ITPA: variants seen among roughly 807,000 people sequenced by gnomAD.
The protein encoded by ITPA is inosine triphosphatase, also known as inosine triphosphate pyrophosphatase.
Under a neutral mutation model 29.6 loss-of-function variants are expected in ITPA, and 29 were observed. That is an observed-to-expected ratio of 0.98 (90% confidence interval 0.73 to 1.34). The LOEUF is 1.34. Among genes scored for constraint, ITPA ranks in the 40% most tolerant of loss-of-function variants. The pLI is 0.00. For synonymous variants in ITPA, 103 were observed against 99.3 expected (o/e 1.04, Z -0.22); for missense variants, 241 against 251.5 (o/e 0.96, Z 0.28).
chr20:3,204,897 C>G (rs2067060223), upstream of ITPA, among the ~76,000 whole-genome samples: 1 of 151,844 alleles, frequency 6.6e-6, no homozygotes, highest in African/African-American at 2.4e-5. Context: ...GTCGCACAGG[C>G]TGGAGTGCGG....
intron 7 of ITPA, among the ~76,000 whole-genome samples, chr20:3,222,494 C>T (rs1421588924): frequency 6.6e-6 from 1 of 152,214 alleles, no homozygotes; most frequent in Non-Finnish European, 1.5e-5. Context: ...CAGGCGTGAG[C>T]CACCGCGCCT....
intron 1 of ITPA, among the ~76,000 whole-genome samples, chr20:3,212,744 G>T (rs756717164): frequency 6.6e-5 from 10 of 152,088 alleles, no homozygotes; most frequent in Non-Finnish European, 1.2e-4. Context: ...TAATATTTTG[G>T]TTTGTTACCT....
chr20:3,223,844 G>A lies in ITPA; in HGVS notation c.*382G>A, dbSNP rs2067529447. 1 of 252,968 alleles carries A rather than the reference G, an allele frequency of 4.0e-6. No homozygotes were observed. Among genetic ancestry groups the A allele is most frequent in the Non-Finnish European group, 7.8e-6 (1 of 128,732 alleles). The allele number at this position is 252,968 out of a possible 1,614,324, so 15.7% of individuals were successfully genotyped here. ...TGAGACTTGTTTCCAAAATAAACCA[G>A]CTATATCTGTTTTGAACCCTGCCCC... On this transcript the variant is annotated 3_prime_UTR_variant, in exon 8 of 8. Coordinates refer to ENST00000380113, the MANE Select transcript of ITPA (RefSeq NM_033453.4).
intron 7 of ITPA, among the ~76,000 whole-genome samples, 191 bp downstream of exon 7, chr20:3,222,108 G>A (rs1568519924): frequency 1.3e-5 from 2 of 152,222 alleles, no homozygotes; most frequent in South Asian, 4.1e-4. Flanking sequence ...TGGTTGGGGA[G>A]GCAGCCAGAT....
chr20:3,205,633 C>T (rs1231053613), upstream of ITPA, among the ~76,000 whole-genome samples: 2 of 151,774 alleles, frequency 1.3e-5, no homozygotes, highest in Non-Finnish European at 1.5e-5. Flanking sequence ...CCAGGGAGGT[C>T]GAGGCTGCAG....
At chr20:3,206,328 C>G (rs994501853), upstream of ITPA, among the ~76,000 whole-genome samples, 4 of 134,570 alleles carry the variant, frequency 3.0e-5, no homozygotes, top group African/African-American at 1.2e-4. Context: ...GCAGAGGTTG[C>G]AGTGAGCCGA....
chr20:3,227,372 C>T, downstream of ITPA: 1 of 258,270 alleles, frequency 3.9e-6, no homozygotes, highest in Admixed American at 4.7e-5. Flanking sequence ...CTTCCCCTCC[C>T]CAGAGTGGGG....
intron 5 of ITPA, 101 bp from the exon 6 acceptor site, chr20:3,218,416 T>G: frequency 1.2e-6 from 1 of 844,826 alleles, no homozygotes; most frequent in Non-Finnish European, 2.0e-6. Context: ...TAATTTCCCC[T>G]TTTAGGGAAT....
In ITPA at chr20:3,223,658, T is replaced by C; in HGVS notation, c.*196T>C. On this transcript the variant is annotated 3_prime_UTR_variant, in exon 8 of 8. Transcript: ENST00000380113. ...AAACTCTGGCAAGTGGACGCCATTC[T>C]CTTGCCCTTAGGATTCACTGCTCTC... 1 of 619,692 alleles carries C rather than the reference T, an allele frequency of 1.6e-6. No individual in the cohort carries two copies. Among genetic ancestry groups the C allele is most frequent in the South Asian group, 1.9e-5 (1 of 53,722 alleles). 38.4% of individuals were successfully genotyped at this position (619,692 alleles called of 1,614,324 possible). A position where few individuals can be genotyped will look rare whatever the true frequency, so the allele number is the denominator to read the frequency against.
At chr20:3,219,520 G>A (rs879465952) in intron 6 of ITPA, among the ~76,000 whole-genome samples, 66 of 151,950 alleles carry the variant, frequency 4.3e-4, no homozygotes, top group Middle Eastern at 6.8e-3. Flanking sequence ...TGAGGCGGGC[G>A]GATCACCTGA....
upstream of ITPA, among the ~76,000 whole-genome samples, chr20:3,207,291 A>G (rs969448106): frequency 2.6e-5 from 4 of 152,092 alleles, no homozygotes; most frequent in African/African-American, 9.7e-5. Flanking sequence ...GGGTTTCACC[A>G]TGTTGTCTAG....
chr20:3,211,709 T>C (rs1374199569), intron 1 of ITPA, among the ~76,000 whole-genome samples: 3 of 152,110 alleles, frequency 2.0e-5, no homozygotes, highest in Non-Finnish European at 2.9e-5. Flanking sequence ...GTCAGGCTGG[T>C]CTCGAACTCC....
chr20:3,210,856 G>A (rs924195422), intron 1 of ITPA, among the ~76,000 whole-genome samples: 5 of 152,040 alleles, frequency 3.3e-5, no homozygotes, highest in Non-Finnish European at 7.4e-5. Context: ...TTCAAGACCA[G>A]CCTGGCCAAC....
chr20:3,216,942 G>A (rs1448163089), intron 5 of ITPA, among the ~76,000 whole-genome samples: 1 of 151,204 alleles, frequency 6.6e-6, no homozygotes, highest in Non-Finnish European at 1.5e-5. Context: ...GTGCAGTGGT[G>A]TGATCTTGGC....
At chr20:3,209,256 C>T, upstream of ITPA, 1 of 429,094 alleles carries the variant, frequency 2.3e-6, no homozygotes, top group South Asian at 2.1e-5. This position sits in a 1 kb window ranked among gnomAD's most constrained non-coding sequence, Gnocchi z 4.6. Context: ...AGAGCGAAAG[C>T]AGGGGCGGGG....
chr20:3,215,454 C>T, intron 5 of ITPA, 142 bp downstream of exon 5: 6 of 743,284 alleles, frequency 8.1e-6, no homozygotes, highest in Non-Finnish European at 1.4e-5. Flanking sequence ...CCCCATCTAG[C>T]ACCTGCAGCT....
rs1600541852 is a variant in ITPA at position 3,223,411 on chromosome 20, C to A, written c.534C>A (p.Arg178=). The A allele has an allele frequency of 1.9e-6, 3 of 1,613,948 alleles. No homozygotes were observed. The highest frequency in any genetic ancestry group is 2.5e-6 in the Non-Finnish European group (3 of 1,180,008). Residue 178 remains arginine, a synonymous_variant, in exon 8 of 8, where the codon CGC becomes CGA. Coordinates refer to ENST00000380113, the MANE Select transcript of ITPA (RefSeq NM_033453.4). ...PKAEKNAVSH[R]FRALLELQEY... is the part of the protein sequence containing the mutation. The stretch of plus-strand genomic sequence containing the variant: ...CGGAGAAGAACGCTGTCTCCCATCG[C>A]TTCCGGGCCCTGCTGGAGCTGCAGG...
At chr20:3,214,088 G>T (rs370340278) in intron 4 of ITPA, 30 bp downstream of exon 4, 38 of 1,606,186 alleles carry the variant, frequency 2.4e-5, no homozygotes, top group Non-Finnish European at 3.1e-5. Flanking sequence ...CCCTTACAGG[G>T]CGTCAGGCCC....
At chr20:3,204,735 C>T (rs547208858), upstream of ITPA, 1 of 1,093,016 alleles carries the variant, frequency 9.1e-7, no homozygotes, top group African/African-American at 1.6e-5. Flanking sequence ...GAGCCCCGCC[C>T]AGCGGCACAT....
Sources: allele counts gnomAD v4.1 joint callset (sites outside exome capture counted in the v4.1 genomes callset), GRCh38; gene constraint gnomAD v4.1.1; non-coding constraint Gnocchi (gnomAD v3.1); transcripts MANE v1.5; gene names NCBI Gene and HGNC (gene_info 2026-07-23, HGNC 2026-07-21).